TOP6BL: variants seen among roughly 807,000 people sequenced by gnomAD.
TOP6BL encodes the protein type 2 DNA topoisomerase 6 subunit B-like.
chr11:66,774,269 G>A, the TOP6BL span, among the ~76,000 whole-genome samples: 1 of 151,958 alleles, frequency 6.6e-6, no homozygotes, highest in African/African-American at 2.4e-5. Context: ...TTATTATTCT[G>A]TCATATACTA....
chr11:66,832,682 T>A, the TOP6BL span, among the ~76,000 whole-genome samples: 2 of 152,248 alleles, frequency 1.3e-5, no homozygotes, highest in African/African-American at 2.4e-5. Flanking sequence ...TTCAGCTGCT[T>A]CACCGCAAAT....
At chr11:66,801,525 T>C in the TOP6BL span, among the ~76,000 whole-genome samples, 12 of 152,184 alleles carry the variant, frequency 7.9e-5, no homozygotes, top group Non-Finnish European at 1.5e-4. Context: ...CCCATCTCCA[T>C]CTTCTTCAGA....
At chr11:66,770,161 A>C in the TOP6BL span, among the ~76,000 whole-genome samples, 3 of 152,140 alleles carry the variant, frequency 2.0e-5, no homozygotes, top group South Asian at 2.1e-4. Context: ...GAAGGCAGCT[A>C]TCTGAAAGCC....
the TOP6BL span, among the ~76,000 whole-genome samples, chr11:66,775,831 C>T: frequency 6.6e-6 from 1 of 152,046 alleles, no homozygotes; most frequent in African/African-American, 2.4e-5. Flanking sequence ...TATGTTAACA[C>T]TTTAAAATTC....
At chr11:66,772,239 T>A in the TOP6BL span, among the ~76,000 whole-genome samples, 1 of 152,208 alleles carries the variant, frequency 6.6e-6, no homozygotes, top group Non-Finnish European at 1.5e-5. Context: ...TGAAATACAA[T>A]TGATGTTTAT....
the TOP6BL span, among the ~76,000 whole-genome samples, chr11:66,752,526 A>G: frequency 2.6e-5 from 4 of 151,760 alleles, no homozygotes; most frequent in Non-Finnish European, 4.4e-5. Context: ...ATCTCGACTT[A>G]CTGCAACCTC....
At chr11:66,781,523 C>T in the TOP6BL span, among the ~76,000 whole-genome samples, 1 of 151,918 alleles carries the variant, frequency 6.6e-6, no homozygotes, top group African/African-American at 2.4e-5. Context: ...AATATCTGTA[C>T]CATATCAGGT....
the TOP6BL span, among the ~76,000 whole-genome samples, chr11:66,833,675 C>G: frequency 6.6e-6 from 1 of 151,978 alleles, no homozygotes; most frequent in South Asian, 2.1e-4. Flanking sequence ...GGGCCAGGTG[C>G]GGTGGCTCAC....
the TOP6BL span, among the ~76,000 whole-genome samples, chr11:66,834,702 G>A: frequency 4.6e-5 from 7 of 152,206 alleles, no homozygotes; most frequent in South Asian, 6.2e-4. Context: ...ACAGGTTCCC[G>A]CTATGTTGCC....
the TOP6BL span, among the ~76,000 whole-genome samples, chr11:66,792,337 C>T: frequency 6.6e-6 from 1 of 152,178 alleles, no homozygotes; most frequent in Admixed American, 6.5e-5. Context: ...GTGAACTCTT[C>T]TAATTCTGAG....
At chr11:66,812,946 GA>G in the TOP6BL span, among the ~76,000 whole-genome samples, 1 of 152,186 alleles carries the variant, frequency 6.6e-6, no homozygotes, top group Non-Finnish European at 1.5e-5. Context: ...CACTAGTGCA[GA>G]GGTTAAGAAA....
the TOP6BL span, among the ~76,000 whole-genome samples, chr11:66,754,695 C>T: frequency 1.3e-5 from 2 of 152,156 alleles, no homozygotes; most frequent in African/African-American, 4.8e-5. Flanking sequence ...GGGTAAAAGC[C>T]AGACTTGATT....
At chr11:66,833,662 T>A in the TOP6BL span, among the ~76,000 whole-genome samples, 2 of 151,962 alleles carry the variant, frequency 1.3e-5, no homozygotes, top group Admixed American at 6.6e-5. Flanking sequence ...AAAAAGATAA[T>A]CTGGGCCAGG....
the TOP6BL span, among the ~76,000 whole-genome samples, chr11:66,814,611 C>T: frequency 6.6e-6 from 1 of 152,224 alleles, no homozygotes; most frequent in South Asian, 2.1e-4. Context: ...TCTGCTGCCT[C>T]CTCTATTCCT....
the TOP6BL span, among the ~76,000 whole-genome samples, chr11:66,797,746 C>G: frequency 2.9e-4 from 44 of 152,164 alleles, no homozygotes; most frequent in Non-Finnish European, 4.4e-4. Context: ...CTCAAGTGAT[C>G]CACCTGTCTC....
chr11:66,765,699 A>G, the TOP6BL span, among the ~76,000 whole-genome samples: 1 of 152,156 alleles, frequency 6.6e-6, no homozygotes. Context: ...TATTTTTAGT[A>G]GAGATGGGAT....
chr11:66,824,057 A>G, the TOP6BL span, among the ~76,000 whole-genome samples: 3 of 152,138 alleles, frequency 2.0e-5, no homozygotes, highest in South Asian at 2.1e-4. Context: ...GGAAAAAGTA[A>G]TAGTACCTCA....
chr11:66,816,442 C>T, the TOP6BL span, among the ~76,000 whole-genome samples: 1 of 152,150 alleles, frequency 6.6e-6, no homozygotes, highest in African/African-American at 2.4e-5. Flanking sequence ...TATATTGCTC[C>T]CTAGGGATCA....
At chr11:66,745,364 C>T in the TOP6BL span, among the ~76,000 whole-genome samples, 1 of 151,544 alleles carries the variant, frequency 6.6e-6, no homozygotes, top group Non-Finnish European at 1.5e-5. Context: ...CCAGTGCAGA[C>T]TGGGAGCGAG....
Sources: allele counts gnomAD v4.1 joint callset (sites outside exome capture counted in the v4.1 genomes callset), GRCh38; gene constraint gnomAD v4.1.1; transcripts MANE v1.5; gene names NCBI Gene and HGNC (gene_info 2026-07-23, HGNC 2026-07-21).